Variants in AP4E1 observed in about 807,000 individuals in gnomAD.
AP4E1 encodes the protein adaptor related protein complex 4 subunit epsilon 1.
Under a neutral mutation model 128.2 loss-of-function variants are expected in AP4E1, and 56 were observed. The observed-to-expected ratio is 0.44, with a 90% CI of 0.35 to 0.55. The LOEUF (loss-of-function observed/expected upper bound fraction) is 0.55. AP4E1 is among the 20% of genes least tolerant of loss of function. AP4E1 has a pLI of 0.00. For synonymous variants in AP4E1, 484 were observed against 473.1 expected, an observed-to-expected ratio of 1.02 and a Z score of -0.30; for missense variants, 1,324 against 1,307.7, an observed-to-expected ratio of 1.01 and a Z score of -0.19.
At chr15:50,999,583 C>A (rs1365775574) in intron 19 of AP4E1, among the ~76,000 whole-genome samples, 3 of 152,106 alleles carry the variant, frequency 2.0e-5, no homozygotes, top group Admixed American at 6.5e-5. Flanking sequence ...CTAAATAACT[C>A]CGAAGATTCT....
chr15:50,914,905 A>C (rs968470767), intron 2 of AP4E1, among the ~76,000 whole-genome samples: 1 of 152,160 alleles, frequency 6.6e-6, no homozygotes, highest in African/African-American at 2.4e-5. Context: ...TATAATTGTG[A>C]GTTATTAAAA....
At chr15:50,914,884 G>A (rs1229890762) in intron 2 of AP4E1, among the ~76,000 whole-genome samples, 3 of 152,030 alleles carry the variant, frequency 2.0e-5, no homozygotes, top group Non-Finnish European at 4.4e-5. Flanking sequence ...ATGAAATCAT[G>A]CCCCTCAGTT....
At chr15:50,961,753 G>C (rs1320276132) in intron 14 of AP4E1, among the ~76,000 whole-genome samples, 1 of 151,996 alleles carries the variant, frequency 6.6e-6, no homozygotes, top group Non-Finnish European at 1.5e-5. Context: ...GTCCTAGCTA[G>C]AGCAATCGGG....
intron 3 of AP4E1, among the ~76,000 whole-genome samples, 160 bp from the exon 4 acceptor site, chr15:50,923,771 A>G (rs544334076): frequency 5.9e-5 from 9 of 152,282 alleles, no homozygotes; most frequent in South Asian, 2.1e-4. Flanking sequence ...AATAGCTGAA[A>G]TCTTCCTTAC....
At position 50,997,600 on chromosome 15, in the gene AP4E1, C is replaced by T. The variant is rs999709311; in HGVS notation, c.2621C>T (p.Thr874Ile). The T allele has an allele frequency of 9.3e-6, 15 of 1,614,076 alleles. No individual in the cohort carries two copies. The highest frequency in any genetic ancestry group is 1.3e-5 in the Non-Finnish European group (15 of 1,179,974). The stretch of plus-strand genomic sequence containing the variant: ...AAATTCTCATATTGTAGTCTGTCTA[C>T]ACCTTCATTGTTTGCTAATAACAAC... ...VEKFSYCSLS[T>I]PSLFANNNME... The change falls in exon 18 of 21, where the codon ACA (threonine) becomes ATA (isoleucine). Residue 874 changes from threonine to isoleucine, a missense_variant. Transcript: ENST00000261842.
chr15:50,980,472 G>C (rs944239721), intron 15 of AP4E1, among the ~76,000 whole-genome samples: 3 of 152,212 alleles, frequency 2.0e-5, no homozygotes, highest in Admixed American at 2.0e-4. Context: ...ACAGAAGCAT[G>C]ACAGACGGAA....
chr15:50,963,974 G>A (rs115436087), intron 14 of AP4E1, among the ~76,000 whole-genome samples: 4,251 of 152,248 alleles, frequency 0.028, 193 homozygotes, highest in African/African-American at 0.097. Flanking sequence ...GATTACAGGC[G>A]TGAGCCACCA....
chr15:50,978,794 A>G (rs1170951469), intron 15 of AP4E1, among the ~76,000 whole-genome samples: 1 of 152,178 alleles, frequency 6.6e-6, no homozygotes, highest in Non-Finnish European at 1.5e-5. Flanking sequence ...TCTGTTCCAC[A>G]TATGTGCATG....
chr15:50,916,718 T>A (rs940517846), intron 3 of AP4E1, among the ~76,000 whole-genome samples: 6 of 152,214 alleles, frequency 3.9e-5, no homozygotes, highest in African/African-American at 1.4e-4. Flanking sequence ...TTTAAACTTG[T>A]TATATTCTTT....
intron 7 of AP4E1, 171 bp from the exon 8 acceptor site, chr15:50,934,453 T>C: frequency 1.8e-6 from 1 of 547,150 alleles, no homozygotes; most frequent in Non-Finnish European, 3.3e-6. Context: ...AAGTTCAAGC[T>C]CATGAAAAAC....
chr15:50,995,923 A>C (rs1000041779), intron 17 of AP4E1, among the ~76,000 whole-genome samples: 24 of 150,984 alleles, frequency 1.6e-4, no homozygotes, highest in Admixed American at 6.6e-5. Flanking sequence ...AAAAAAGAAA[A>C]AAGGAACAGA....
intron 15 of AP4E1, among the ~76,000 whole-genome samples, chr15:50,969,733 A>G (rs1239174979): frequency 6.8e-6 from 1 of 147,000 alleles, no homozygotes; most frequent in Admixed American, 7.1e-5. Flanking sequence ...ATCTCGGCTC[A>G]CTGCAAGCTC....
intron 8 of AP4E1, 85 bp from the exon 9 acceptor site, chr15:50,941,357 T>G: frequency 4.1e-6 from 6 of 1,460,570 alleles, no homozygotes; most frequent in Non-Finnish European, 5.7e-6. Flanking sequence ...GACTTTCCAA[T>G]TAGTTTTATT....
chr15:50,920,254 C>T (rs2063683163), intron 3 of AP4E1, among the ~76,000 whole-genome samples: 2 of 151,576 alleles, frequency 1.3e-5, no homozygotes, highest in Admixed American at 1.3e-4. Flanking sequence ...GCTGGGACTA[C>T]AGACGCCTGC....
At position 50,993,444 on chromosome 15, in the gene AP4E1, A is replaced by T. The variant is rs2064828698; in HGVS notation, c.2165A>T (p.Lys722Ile). 6.2e-7 allele frequency: 1 copy of T among 1,613,920 alleles called. No individual in the cohort carries two copies. Among genetic ancestry groups the T allele is most frequent in the Non-Finnish European group, 8.5e-7 (1 of 1,179,994 alleles). ...GGCTATCTTCCCAAGAAGGAAAGCAAAACTGGTGATGAAAGTGGAGCTCTG... is the reference window on the plus strand; with the variant it reads ...GGCTATCTTCCCAAGAAGGAAAGCATAACTGGTGATGAAAGTGGAGCTCTG... The part of the protein sequence containing the change: ...KEGYLPKKES[K>I]TGDESGALPV... Residue 722 changes from lysine (K) to isoleucine (I), a missense_variant, in exon 17 of 21, where the codon AAA (lysine) becomes ATA (isoleucine). Transcript: ENST00000261842.
At chr15:50,966,958 G>A (rs2064402660) in intron 14 of AP4E1, among the ~76,000 whole-genome samples, 1 of 152,186 alleles carries the variant, frequency 6.6e-6, no homozygotes, top group Admixed American at 6.5e-5. Flanking sequence ...TAAATCAGGA[G>A]AGGCAAGTCT....
At chr15:50,925,606 C>T (rs1372424918) in intron 5 of AP4E1, among the ~76,000 whole-genome samples, 1 of 149,080 alleles carries the variant, frequency 6.7e-6, no homozygotes, top group Non-Finnish European at 1.5e-5. Flanking sequence ...GTTGTGAATG[C>T]AAAGCTTCAG....
At chr15:50,968,809 G>C (rs754124401) in intron 15 of AP4E1, among the ~76,000 whole-genome samples, 1 of 150,064 alleles carries the variant, frequency 6.7e-6, no homozygotes, top group Non-Finnish European at 1.5e-5. Context: ...TGTATTTTTA[G>C]TAGAGATGGG....
intron 3 of AP4E1, among the ~76,000 whole-genome samples, chr15:50,923,339 T>C (rs974461760): frequency 6.6e-6 from 1 of 152,230 alleles, no homozygotes; most frequent in Non-Finnish European, 1.5e-5. Context: ...AAAATGCTTA[T>C]TTAAGCCAAT....
Sources: gnomAD v4.1 joint callset for allele counts (sites outside exome capture counted in the v4.1 genomes callset) on GRCh38, gnomAD v4.1.1 for gene constraint, MANE v1.5 for transcripts, NCBI Gene and HGNC (gene_info 2026-07-23, HGNC 2026-07-21) for gene names.